AGL: variants seen among roughly 807,000 people sequenced by gnomAD.
The protein encoded by AGL is glycogen debranching enzyme.
A neutral mutation model predicts 199.3 loss-of-function variants in AGL; 128 were observed. The observed-to-expected ratio is 0.64, with a 90% CI of 0.56 to 0.74. AGL has a LOEUF of 0.74. AGL is among the 30% of genes least tolerant of loss of function. AGL has a pLI of 0.00. For missense variants in AGL, 1,809 were observed against 1,820.8 expected (o/e 0.99, Z 0.12); for synonymous variants, 584 against 594.7 (o/e 0.98, Z 0.26).
chr1:99,880,948 G>C, intron 14 of AGL, 128 bp from the exon 15 acceptor site: 2 of 1,263,496 alleles, frequency 1.6e-6, no homozygotes, highest in South Asian at 2.5e-5. Flanking sequence ...TGTTTTACTT[G>C]TTTAAAAGCA....
intron 27 of AGL, 88 bp from the exon 28 acceptor site, chr1:99,910,624 T>C (rs1233855841): frequency 1.5e-6 from 1 of 662,528 alleles, no homozygotes; most frequent in African/African-American, 2.0e-5. Context: ...GTTTATTATA[T>C]TTAAAATTTT....
At chr1:99,914,780 A>AT (rs1654995465) in intron 30 of AGL, among the ~76,000 whole-genome samples, 2 of 152,160 alleles carry the variant, frequency 1.3e-5, no homozygotes, top group African/African-American at 2.4e-5. Context: ...AGTTACATAA[A>AT]TTTAAGTGTG....
At chr1:99,866,112 A>T (rs1023291797) in intron 5 of AGL, among the ~76,000 whole-genome samples, 3 of 152,158 alleles carry the variant, frequency 2.0e-5, no homozygotes, top group Admixed American at 6.5e-5. Flanking sequence ...CTTACAAAAT[A>T]ATGTAAAAAA....
At chr1:99,856,747 G>A (rs1262471583) in intron 2 of AGL, among the ~76,000 whole-genome samples, 1 of 152,146 alleles carries the variant, frequency 6.6e-6, no homozygotes, top group African/African-American at 2.4e-5. Context: ...GTTTCAGAGA[G>A]CACAGGGTTG....
At chr1:99,896,978 A>C (rs1653378222) in intron 25 of AGL, among the ~76,000 whole-genome samples, 1 of 151,930 alleles carries the variant, frequency 6.6e-6, no homozygotes, top group Non-Finnish European at 1.5e-5. Flanking sequence ...CACCACGCCC[A>C]GCTAATTTTT....
In AGL at chr1:99,916,562, T is replaced by C. The variant is rs376218294; in HGVS notation, c.4348-36T>C. ...ATTTTTCAAGTAATTTTTAGGTATT[T>C]ATGGTTTTTTTTGTCTTTTAAATAA... On this transcript the variant is annotated intron_variant, in intron 32 of 33. Transcript: ENST00000361915. 7.5e-6 allele frequency: 12 copies of C among 1,609,498 alleles called. No homozygotes were observed. In the African/African-American group the frequency reaches 1.3e-4, roughly 18 times the overall value.
intron 26 of AGL, among the ~76,000 whole-genome samples, chr1:99,901,549 A>G (rs895506829): frequency 6.6e-6 from 1 of 152,064 alleles, no homozygotes; most frequent in Admixed American, 6.6e-5. Flanking sequence ...TGTGTAGGAT[A>G]CCTGCAGGGT....
Position 99,880,803 on chromosome 1 carries a change from C to A in AGL, c.1899+8C>A. ...AATGAGTGTCCTATTGTGGTAAGCA[C>A]CTAATCTTTTTCATGTACTTATTTT... On this transcript the variant is annotated splice_region_variant and intron_variant, in intron 14 of 33. Transcript: ENST00000361915. 1 of 1,613,740 alleles carries A rather than the reference C, an allele frequency of 6.2e-7. No individual in the cohort carries two copies. The highest frequency in any genetic ancestry group is 2.2e-5 in the East Asian group (1 of 44,840).
chr1:99,896,416 G>A, intron 25 of AGL, 28 bp downstream of exon 25: 1 of 1,502,688 alleles, frequency 6.7e-7, no homozygotes, highest in Non-Finnish European at 9.3e-7. Context: ...GTGTTGTACT[G>A]CGAGTTTATG....
rs973010478 is a variant in AGL at position 99,851,197 on chromosome 1, T to C, written c.82+73T>C. The C allele has an allele frequency of 2.5e-5, 34 of 1,338,790 alleles. No homozygotes were observed. In the East Asian group the frequency reaches 6.7e-4, roughly 26 times the overall value. The allele number at this position is 1,338,790 out of a possible 1,614,324, so 82.9% of individuals were successfully genotyped here. A position where few individuals can be genotyped will look rare whatever the true frequency, so the allele number is the denominator to read the frequency against. On this transcript the variant is annotated intron_variant, in intron 2 of 33. Transcript: ENST00000361915. ...TTAATTCATTGGCAGTCCTGTTAAA[T>C]GTTTTAAAGCTCTAAGATAAATATT... is the stretch of plus-strand genomic sequence containing the variant.
At chr1:99,921,174 T>C (rs1432533070) in intron 33 of AGL, among the ~76,000 whole-genome samples, 1 of 151,544 alleles carries the variant, frequency 6.6e-6, no homozygotes. Flanking sequence ...ACTTTTACAG[T>C]TTTATCAAGA....
intron 28 of AGL, among the ~76,000 whole-genome samples, 188 bp from the exon 29 acceptor site, chr1:99,912,217 T>C (rs1654795740): frequency 1.3e-5 from 2 of 152,178 alleles, no homozygotes; most frequent in Admixed American, 6.5e-5. Flanking sequence ...GTGAGGATGA[T>C]AGACAATGGC....
chr1:99,880,183 A>G (rs2101146495), intron 13 of AGL, 137 bp downstream of exon 13: 1 of 1,318,748 alleles, frequency 7.6e-7, no homozygotes, highest in East Asian at 2.4e-5. Context: ...TGTATGACAT[A>G]TTCTAATATA....
intron 27 of AGL, among the ~76,000 whole-genome samples, chr1:99,904,879 G>C (rs145760396): frequency 6.6e-6 from 1 of 152,196 alleles, no homozygotes; most frequent in East Asian, 1.9e-4. Flanking sequence ...TTCATCCATT[G>C]AAGGACATTT....
chr1:99,890,233 C>T (rs1017772895), intron 21 of AGL, among the ~76,000 whole-genome samples: 5 of 152,148 alleles, frequency 3.3e-5, no homozygotes, highest in Admixed American at 6.5e-5. Flanking sequence ...CATTCCATTC[C>T]GTTGGTCATC....
chr1:99,919,923 T>G (rs891752681), intron 33 of AGL, among the ~76,000 whole-genome samples: 12 of 152,190 alleles, frequency 7.9e-5, no homozygotes, highest in African/African-American at 2.2e-4. Flanking sequence ...GACTCTAACA[T>G]CCTGCTCCAT....
chr1:99,917,559 G>T (rs1234742796), intron 33 of AGL, among the ~76,000 whole-genome samples: 1 of 152,116 alleles, frequency 6.6e-6, no homozygotes, highest in Non-Finnish European at 1.5e-5. Context: ...TACACTTAAG[G>T]TCTGAAATTG....
At chr1:99,894,489 C>T (rs1169207457) in intron 24 of AGL, among the ~76,000 whole-genome samples, 1 of 152,060 alleles carries the variant, frequency 6.6e-6, no homozygotes, top group Non-Finnish European at 1.5e-5. Context: ...ATGTTAGCTG[C>T]TGTCATCACT....
intron 20 of AGL, among the ~76,000 whole-genome samples, chr1:99,887,540 A>G (rs989103596): frequency 3.9e-5 from 6 of 152,202 alleles, no homozygotes; most frequent in Non-Finnish European, 8.8e-5. Context: ...TATTTTTAGT[A>G]TACAATAACT....
Sources: allele counts gnomAD v4.1 joint callset (sites outside exome capture counted in the v4.1 genomes callset), GRCh38; gene constraint gnomAD v4.1.1; transcripts MANE v1.5; gene names NCBI Gene and HGNC (gene_info 2026-07-23, HGNC 2026-07-21).